Variants in ZNF507 observed in about 807,000 individuals in gnomAD.
The protein encoded by ZNF507 is zinc finger protein 507.
ZNF507 carries 29 observed loss-of-function variants against 80.0 expected under a neutral mutation model. The ratio of observed to expected loss-of-function variants is 0.36; its 90% CI spans 0.27 to 0.49. ZNF507 has a LOEUF of 0.49. Ranked by LOEUF, ZNF507 falls within the 20% of genes least tolerant of loss-of-function variation. The pLI is 0.98. For synonymous variants in ZNF507, 462 were observed against 422.5 expected (o/e 1.09, Z -1.15); for missense variants, 1,081 against 1,152.2 (o/e 0.94, Z 0.90).
intron 5 of ZNF507, among the ~76,000 whole-genome samples, chr19:32,363,948 T>C (rs1265670192): frequency 6.6e-6 from 1 of 152,178 alleles, no homozygotes; most frequent in Non-Finnish European, 1.5e-5. Context: ...ACCACACAGT[T>C]TCTGTGCCCC....
chr19:32,377,387 C>T (rs935386585), intron 5 of ZNF507, among the ~76,000 whole-genome samples: 15 of 152,090 alleles, frequency 9.9e-5, no homozygotes. Context: ...CCTTCCGCTC[C>T]TATCTCTATA....
At chr19:32,350,938 A>G (rs1037202810) in intron 2 of ZNF507, among the ~76,000 whole-genome samples, 1 of 152,256 alleles carries the variant, frequency 6.6e-6, no homozygotes, top group Non-Finnish European at 1.5e-5. Context: ...TTCTAAGACA[A>G]TAAAGTGACT....
chr19:32,348,459 A>T (rs1967123515), intron 2 of ZNF507, among the ~76,000 whole-genome samples: 2 of 152,330 alleles, frequency 1.3e-5, no homozygotes, highest in East Asian at 3.9e-4. Flanking sequence ...ACTCATGATG[A>T]CCATACTACT....
intron 4 of ZNF507, chr19:32,359,207 T>C (rs1568305011): frequency 6.6e-6 from 1 of 152,208 alleles, no homozygotes; most frequent in Admixed American, 6.5e-5. Flanking sequence ...ATTATAATTA[T>C]GATTAGTGTG....
rs748349877 is a variant in ZNF507, at chr19:32,382,742, A to T, written c.2521A>T (p.Thr841Ser). 4.5e-5 allele frequency: 73 copies of T among 1,612,752 alleles called. 1 individual carries two copies. Among genetic ancestry groups the T allele is most frequent in the Non-Finnish European group, 6.1e-5 (72 of 1,179,376 alleles). ...GRVLGKSPGK[T>S]QLKSSEESAD... Reference sequence around the variant, plus strand: ...AGTTCTGGGGAAATCCCCTGGAAAGACTCAATTAAAGAGCAGTGAAGAGAG... The same window carrying T: ...AGTTCTGGGGAAATCCCCTGGAAAGTCTCAATTAAAGAGCAGTGAAGAGAG... The change falls in exon 7 of 7, where the codon ACT becomes TCT. Residue 841 changes from threonine (T) to serine (S), a missense_variant. By Grantham distance (58) the Thr-to-Ser change is moderately conservative. This residue lies in a region of ZNF507 where 138 missense variants were observed against 158.4 expected (regional missense o/e 0.87). Coordinates refer to ENST00000355898, the MANE Select transcript of ZNF507 (RefSeq NM_001136156.2).
At position 32,382,704 on chromosome 19, in the gene ZNF507, T is replaced by C; in HGVS notation, c.2496-13T>C. On this transcript the variant is annotated splice_polypyrimidine_tract_variant and intron_variant, in intron 6 of 6. Transcript: ENST00000355898. ...GCCTCCTCACGGTGTGCTGTGTTTG[T>C]TTTGTTTTTAAGAGTTCTGGGGAAA... 1 of 1,609,930 alleles carries C rather than the reference T, an allele frequency of 6.2e-7. No homozygotes were observed. Among genetic ancestry groups the C allele is most frequent in the South Asian group, 1.1e-5 (1 of 90,814 alleles).
chr19:32,351,822 A>G (rs1967172880), intron 2 of ZNF507, among the ~76,000 whole-genome samples: 1 of 152,204 alleles, frequency 6.6e-6, no homozygotes, highest in African/African-American at 2.4e-5. Flanking sequence ...ATGTGATCCA[A>G]GTCAACAAAT....
chr19:32,346,065 G>A (rs778603727), intron 1 of ZNF507, among the ~76,000 whole-genome samples: 4 of 152,230 alleles, frequency 2.6e-5, no homozygotes, highest in Non-Finnish European at 5.9e-5. Context: ...TCCTTCTCCA[G>A]GCGTTGCTTC....
chr19:32,367,366 C>G (rs953293115), intron 5 of ZNF507, among the ~76,000 whole-genome samples: 4 of 152,178 alleles, frequency 2.6e-5, no homozygotes, highest in African/African-American at 9.7e-5. Context: ...GACAAATATC[C>G]AAACTGTATC....
In ZNF507 at chr19:32,354,638, C is replaced by G. The variant is rs1420287023; in HGVS notation, c.1808C>G (p.Ser603Ter). ...KLRERTDQNA[S>*]DDDILKELQD... is the part of the protein sequence containing the mutation. ...AGAGAAAGGACAGACCAAAACGCTT[C>G]AGACGATGACATTTTGAAAGAGTTG... The change falls in exon 3 of 7, where the codon TCA (serine) becomes TGA (stop). Residue 603 changes from serine to a stop codon, truncating the protein, a stop_gained. Transcript: ENST00000355898. LOFTEE classifies it high-confidence loss of function. 1 of 1,614,162 alleles carries G rather than the reference C, an allele frequency of 6.2e-7. No homozygotes were observed. The highest frequency in any genetic ancestry group is 1.7e-5 in the Admixed American group (1 of 60,020).
intron 6 of ZNF507, 51 bp downstream of exon 6, chr19:32,382,652 G>T (rs112201037): frequency 0.025 from 39,976 of 1,612,706 alleles, 629 homozygotes; most frequent in Non-Finnish European, 0.029. Flanking sequence ...TTAAAGCCAG[G>T]ATTAAATCTA....
Position 32,354,403 on chromosome 19 carries a change from G to A in ZNF507, c.1573G>A (p.Asp525Asn). Residue 525 changes from aspartate to asparagine, a missense_variant, in exon 3 of 7, where the codon GAT (aspartate) becomes AAT (asparagine). By Grantham distance (23) the Asp-to-Asn change is conservative. Transcript: ENST00000355898. ...GCACTATGGAGATATAAACCTTTTAGATCCAGATACTAGTCAAAGGCAAGT... is the reference window on the plus strand; with the variant it reads ...GCACTATGGAGATATAAACCTTTTAAATCCAGATACTAGTCAAAGGCAAGT... The part of the protein sequence containing the change: ...LGHYGDINLL[D>N]PDTSQRQVDS... 13 of 1,614,114 alleles carry A rather than the reference G, an allele frequency of 8.1e-6. No individual in the cohort carries two copies. Among genetic ancestry groups the A allele is most frequent in the Non-Finnish European group, 1.1e-5 (13 of 1,180,036 alleles).
At chr19:32,360,823 G>A (rs955133959) in intron 5 of ZNF507, among the ~76,000 whole-genome samples, 3 of 152,080 alleles carry the variant, frequency 2.0e-5, no homozygotes, top group Non-Finnish European at 4.4e-5. Context: ...CCAGGCTGGA[G>A]TGCAGTGGTA....
In ZNF507 at chr19:32,386,063, C is replaced by G. The variant is rs1173147535; in HGVS notation, c.*2980C>G. On this transcript the variant is annotated 3_prime_UTR_variant, in exon 7 of 7. Transcript: ENST00000355898. Reference sequence around the variant, plus strand: ...ACTTTTCAGGGCTCTATCATTTTCTCCCTTTCTCTAATCATCCAGAATATG... The same window carrying G: ...ACTTTTCAGGGCTCTATCATTTTCTGCCTTTCTCTAATCATCCAGAATATG... The G allele has an allele frequency of 6.6e-6, 1 of 152,334 alleles. No individual in the cohort carries two copies. The highest frequency in any genetic ancestry group is 1.9e-4 in the East Asian group (1 of 5,194). The allele number at this position is 152,334 out of a possible 1,614,324, so 9.4% of individuals were successfully genotyped here.
chr19:32,374,290 G>C (rs1406678828), intron 5 of ZNF507, among the ~76,000 whole-genome samples: 1 of 151,348 alleles, frequency 6.6e-6, no homozygotes, highest in Non-Finnish European at 1.5e-5. Flanking sequence ...CTAGCATTTT[G>C]CTAGCATTTT....
At position 32,354,630 on chromosome 19, in the gene ZNF507, A is replaced by G. The variant is rs1164553462; in HGVS notation, c.1800A>G (p.Gln600=). 10 of 1,614,102 alleles carry G rather than the reference A, an allele frequency of 6.2e-6. No individual in the cohort carries two copies. The highest frequency in any genetic ancestry group is 1.3e-5 in the African/African-American group (1 of 74,936). Residue 600 remains glutamine (Q), a synonymous_variant, in exon 3 of 7, where the codon CAA becomes CAG. Transcript: ENST00000355898. The part of the protein sequence containing the change: ...VIEKLRERTD[Q]NASDDDILKE... ...AAAAATTGAGAGAAAGGACAGACCA[A>G]AACGCTTCAGACGATGACATTTTGA...
chr19:32,345,794 C>A lies in ZNF507; in HGVS notation c.-97+11C>A. The A allele has an allele frequency of 6.5e-6, 1 of 154,296 alleles. No homozygotes were observed. Among genetic ancestry groups the A allele is most frequent in the South Asian group, 1.9e-4 (1 of 5,276 alleles). 9.6% of individuals were successfully genotyped at this position (154,296 alleles called of 1,614,324 possible). ...GCCGCCTGACCGCAGGTACCGCGCC[C>A]CGGGGCCGCCCCTCCGCCCGCTGTT... On this transcript the variant is annotated intron_variant, in intron 1 of 6. Transcript: ENST00000355898.
In ZNF507 at chr19:32,353,285, A is replaced by C. The variant is rs1213375087; in HGVS notation, c.455A>C (p.Glu152Ala). Residue 152 changes from glutamate (E) to alanine (A), a missense_variant, in exon 3 of 7, where the codon GAA (glutamate) becomes GCA (alanine). This residue lies in a region of ZNF507 where 275 missense variants were observed against 303.9 expected (regional missense o/e 0.90). Coordinates refer to ENST00000355898, the MANE Select transcript of ZNF507 (RefSeq NM_001136156.2). ...DHIKQHGQQN[E>A]VILMCSECHI... ...ATTAAGCAACATGGTCAGCAAAATG[A>C]AGTGATACTGATGTGCTCAGAGTGC... 1 of 1,614,144 alleles carries C rather than the reference A, an allele frequency of 6.2e-7. No homozygotes were observed. The highest frequency in any genetic ancestry group is 1.3e-5 in the African/African-American group (1 of 74,950).
chr19:32,366,098 GTTTCAAAA>G (rs1001310551), intron 5 of ZNF507, among the ~76,000 whole-genome samples: 1 of 151,898 alleles, frequency 6.6e-6, no homozygotes, highest in Non-Finnish European at 1.5e-5. Context: ...TCCCCTAATT[GTTTCAAAA>G]CATACTTTTG....
Sources: gnomAD v4.1 joint callset for allele counts (sites outside exome capture counted in the v4.1 genomes callset) on GRCh38, gnomAD v4.1.1 for gene constraint, gnomAD v4.1.1 regional missense constraint, MANE v1.5 for transcripts, NCBI Gene and HGNC (gene_info 2026-07-23, HGNC 2026-07-21) for gene names.